Variants in IL4I1 observed in about 807,000 individuals in gnomAD.
The protein encoded by IL4I1 is L-amino-acid oxidase.
IL4I1 carries 24 observed loss-of-function variants against 29.7 expected under a neutral mutation model. That is an observed-to-expected ratio of 0.81 (90% CI 0.59 to 1.14). The LOEUF (loss-of-function observed/expected upper bound fraction) is 1.14. IL4I1 is among the 50% of genes most tolerant of loss of function. The pLI, the probability that IL4I1 is intolerant of heterozygous loss-of-function variation, is 0.00. For synonymous variants in IL4I1, 371 were observed against 352.5 expected (o/e 1.05, Z -0.59); for missense variants, 686 against 785.6 (o/e 0.87, Z 1.52).
At chr19:49,899,478 G>A (rs186935956), upstream of IL4I1, among the ~76,000 whole-genome samples, 714 of 152,100 alleles carry the variant, frequency 4.7e-3, 17 homozygotes, top group Admixed American at 0.045. Flanking sequence ...TCAACCTCCC[G>A]GGCTCAAGCA....
chr19:49,927,174 T>A (rs891760658), intron 2 of IL4I1, among the ~76,000 whole-genome samples: 2 of 152,094 alleles, frequency 1.3e-5, no homozygotes, highest in African/African-American at 4.8e-5. Context: ...AGGTAGGTAT[T>A]CTTAATGCCA....
At chr19:49,895,208 C>A (rs1206756453) in intron 3 of IL4I1, 28 bp from the exon 4 acceptor site, 12 of 1,574,826 alleles carry the variant, frequency 7.6e-6, no homozygotes, top group Non-Finnish European at 9.6e-6. Flanking sequence ...GCGAGGAGGG[C>A]CCTTCAGCTC....
Position 49,896,030 on chromosome 19 carries a change from G to A in IL4I1, c.37C>T (p.Pro13Ser), listed in dbSNP as rs748879169. 1.4e-5 allele frequency: 22 copies of A among 1,614,096 alleles called. No individual in the cohort carries two copies. In the South Asian group the frequency reaches 2.4e-4, roughly 18 times the overall value. ...GAGGCCACCAGGCTGAGGAGGATGG[G>A]GACGAGGACGAGGAGGTGCAGGGCT... ...PLALHLLVLV[P>S]ILLSLVASQD... is the part of the protein sequence containing the mutation. The change falls in exon 3 of 8, where the codon CCC becomes TCC. Residue 13 changes from proline (P) to serine (S), a missense_variant. Coordinates refer to ENST00000391826, the MANE Select transcript of IL4I1 (RefSeq NM_152899.2).
In IL4I1 at chr19:49,890,571, A is replaced by G; in HGVS notation, c.803T>C (p.Leu268Pro). The G allele has an allele frequency of 6.3e-7, 1 of 1,584,168 alleles. No homozygotes were observed. Among genetic ancestry groups the G allele is most frequent in the Non-Finnish European group, 8.6e-7 (1 of 1,168,450 alleles). Residue 268 changes from leucine (L) to proline (P), a missense_variant, in exon 8 of 8, where the codon CTG becomes CCG. Transcript: ENST00000391826. ...CGAGCTCAGCAGCGCGCGCGGCAGC[A>G]GGTCCCAGCCACCCACGATGCGGCT... ...QYSRIVGGWDLLPRALLSSLS... is the reference protein window; with the variant it reads ...QYSRIVGGWDPLPRALLSSLS...
At position 49,891,905 on chromosome 19, in the gene IL4I1, A is replaced by C. The variant is rs370756644; in HGVS notation, c.568-432T>G. Among the ~76,000 whole-genome samples the C allele has an allele frequency of 1.2e-4, 19 of 152,128 alleles. 2 individuals are homozygous for C. The highest frequency in any genetic ancestry group is 1.0e-3 in the Admixed American group (16 of 15,260). On this transcript the variant is annotated intron_variant, in intron 5 of 7. Transcript: ENST00000391826. ...GTTGCCTGAATCACTGTGGCCACGG[A>C]CAGAAGCTGGTCCCCTGTGCCACTG...
At chr19:49,917,766 C>T (rs910018253) in intron 2 of IL4I1, 6 of 152,242 alleles carry the variant, frequency 3.9e-5, no homozygotes, top group Non-Finnish European at 5.9e-5. Context: ...GATGGTGGCT[C>T]GCGCCTGTAA....
At chr19:49,920,873 G>A (rs2075750633) in intron 2 of IL4I1, among the ~76,000 whole-genome samples, 1 of 152,166 alleles carries the variant, frequency 6.6e-6, no homozygotes, top group Non-Finnish European at 1.5e-5. Context: ...CCCATCCGCA[G>A]CCCCTCTTCT....
chr19:49,908,050 TG>T (rs1199183948), intron 2 of IL4I1: 18 of 1,301,082 alleles, frequency 1.4e-5, no homozygotes, highest in Non-Finnish European at 1.8e-5. Context: ...GGCTGCTGCC[TG>T]GGCAGAAGGC....
chr19:49,919,991 A>C (rs1179113862), intron 2 of IL4I1, among the ~76,000 whole-genome samples: 1 of 152,004 alleles, frequency 6.6e-6, no homozygotes. Flanking sequence ...GCAGTGGTGC[A>C]ATCACGCTCA....
intron 2 of IL4I1, among the ~76,000 whole-genome samples, chr19:49,914,731 T>TTTTTC (rs2075578212): frequency 1.1e-5 from 1 of 88,202 alleles, no homozygotes; most frequent in African/African-American, 6.0e-5. Context: ...TCCCAGTTTT[T>TTTTTC]TTTTTTTTTT....
In IL4I1 at chr19:49,919,860, T is replaced by C. The variant is rs538426827; in HGVS notation, c.-228+7834A>G. On this transcript the variant is annotated intron_variant, in intron 2 of 9. Coordinates refer to the IL4I1 transcript ENST00000341114. ...CTCTGGTGCCAAGGCTTCTTCCTTTTTGGCCAATAACTTTTATTTCTTACT... is the reference window on the plus strand; with the variant it reads ...CTCTGGTGCCAAGGCTTCTTCCTTTCTGGCCAATAACTTTTATTTCTTACT... 2.6e-5 allele frequency among the ~76,000 whole-genome samples: 4 copies of C among 152,340 alleles called. No individual in the cohort carries two copies. In the East Asian group the frequency reaches 5.8e-4, roughly 22 times the overall value.
At chr19:49,907,829 C>T (rs374146319) in intron 2 of IL4I1, 2 of 332,410 alleles carry the variant, frequency 6.0e-6, no homozygotes, top group African/African-American at 4.3e-5. Context: ...AGCCACTGCG[C>T]CCTGACTTGG....
chr19:49,908,490 T>C (rs1308744832), intron 2 of IL4I1: 1 of 1,614,016 alleles, frequency 6.2e-7, no homozygotes, highest in Non-Finnish European at 8.5e-7. Flanking sequence ...TGTGCATCGA[T>C]GTTCTCAGCC....
At chr19:49,894,998 C>T (rs1238078235) in intron 4 of IL4I1, 70 bp downstream of exon 4, 4 of 1,220,534 alleles carry the variant, frequency 3.3e-6, no homozygotes, top group Non-Finnish European at 4.8e-6. Flanking sequence ...TTCGGGCCCA[C>T]TCTGGTGTGG....
intron 2 of IL4I1, among the ~76,000 whole-genome samples, chr19:49,927,051 G>A (rs560451735): frequency 6.6e-6 from 1 of 152,072 alleles, no homozygotes; most frequent in African/African-American, 2.4e-5. Flanking sequence ...GGTAGAGACA[G>A]GGTTTCACCA....
In IL4I1 at chr19:49,891,011, CG is replaced by C; in HGVS notation, c.732del (p.Glu245ArgfsTer30). ...AGGCAGCTGTGGGCCCGGAGGGCCTCGGCGAAGCTGAGATAGAAGAAGCCAT... is the reference window on the plus strand; with the variant it reads ...AGGCAGCTGTGGGCCCGGAGGGCCTCGCGAAGCTGAGATAGAAGAAGCCAT... ...SEDGFFYLSF[A>X]EALRAHSCLS... On this transcript the variant is annotated frameshift_variant, in exon 7 of 8. Coordinates refer to ENST00000391826, the MANE Select transcript of IL4I1 (RefSeq NM_152899.2). LOFTEE classifies it low-confidence loss of function (END_TRUNC). The C allele has an allele frequency of 1.3e-6, 2 of 1,590,316 alleles. No homozygotes were observed. The highest frequency in any genetic ancestry group is 1.7e-6 in the Non-Finnish European group (2 of 1,166,856).
chr19:49,895,086 C>A lies in IL4I1; in HGVS notation c.347G>T (p.Arg116Leu). 1 of 1,613,498 alleles carries A rather than the reference C, an allele frequency of 6.2e-7. No individual in the cohort carries two copies. The highest frequency in any genetic ancestry group is 8.5e-7 in the Non-Finnish European group (1 of 1,179,682). The change falls in exon 4 of 8, where the codon CGC becomes CTC. Residue 116 changes from arginine (R) to leucine (L), a missense_variant. Physicochemically the swap from Arg to Leu is moderately radical, Grantham distance 102. Coordinates refer to ENST00000391826, the MANE Select transcript of IL4I1 (RefSeq NM_152899.2). ...AGGTCACCTGTGAGAGCTGGGCATG[C>A]GCATGGCTCCCAGCTCCCCAATCCA... ...TGWIGELGAM[R>L]MPSSHRILHK...
At position 49,921,766 on chromosome 19, in the gene IL4I1, G is replaced by A. The variant is rs1471148194; in HGVS notation, c.-228+5928C>T. On this transcript the variant is annotated intron_variant, in intron 2 of 9. Transcript: ENST00000341114. This position sits in a 1 kb window ranked among gnomAD's most constrained non-coding sequence, Gnocchi z 5.4. ...CGCCTCTGCCTCTCCCCGCAGCTCCGACCATGACCATCCATCCTATGAGTG... is the reference window on the plus strand; with the variant it reads ...CGCCTCTGCCTCTCCCCGCAGCTCCAACCATGACCATCCATCCTATGAGTG... 1.3e-5 allele frequency among the ~76,000 whole-genome samples: 2 copies of A among 152,272 alleles called. No individual in the cohort carries two copies. Among genetic ancestry groups the A allele is most frequent in the East Asian group, 1.9e-4 (1 of 5,176 alleles).
chr19:49,909,855 C>T, intron 2 of IL4I1: 14 of 1,586,610 alleles, frequency 8.8e-6, no homozygotes, highest in Non-Finnish European at 1.2e-5. Context: ...CAAAGCAAAT[C>T]CGTCGGTGTC....
Sources: allele counts gnomAD v4.1 joint callset (sites outside exome capture counted in the v4.1 genomes callset), GRCh38; gene constraint gnomAD v4.1.1; non-coding constraint Gnocchi (gnomAD v3.1); transcripts MANE v1.5; gene names NCBI Gene and HGNC (gene_info 2026-07-23, HGNC 2026-07-21).